The following TAX1BP1 variants were observed in gnomAD, a reference collection of about 807,000 sequenced individuals.
TAX1BP1 encodes the protein Tax1 binding protein 1.
A neutral mutation model predicts 97.7 loss-of-function variants in TAX1BP1; 62 were observed. The observed-to-expected ratio is 0.63, with a 90% CI of 0.52 to 0.78. The LOEUF (loss-of-function observed/expected upper bound fraction) is 0.78, where lower values mean the gene tolerates loss of function less well. TAX1BP1 is among the 30% of genes least tolerant of loss of function. The pLI is 0.00. For missense variants in TAX1BP1, 867 were observed against 916.1 expected, an observed-to-expected ratio of 0.95 and a Z score of 0.69; for synonymous variants, 340 against 304.2, an observed-to-expected ratio of 1.12 and a Z score of -1.23.
chr7:27,770,039 T>A (rs1788787320), intron 5 of TAX1BP1, among the ~76,000 whole-genome samples: 1 of 152,122 alleles, frequency 6.6e-6, no homozygotes, highest in South Asian at 2.1e-4. Flanking sequence ...TAAAATACTT[T>A]TAGACTTTTG....
rs370103638 is a variant in TAX1BP1, at chr7:27,774,391, T to C, written c.612+4557T>C. On this transcript the variant is annotated intron_variant, in intron 5 of 16. Transcript: ENST00000396319. Reference sequence around the variant, plus strand: ...ATGGATAAGTCGTCTAGTTAACAAGTGGCAAAGTTGAGAACCTGAAAACCC... The same window carrying C: ...ATGGATAAGTCGTCTAGTTAACAAGCGGCAAAGTTGAGAACCTGAAAACCC... 1.7e-3 allele frequency among the ~76,000 whole-genome samples: 258 copies of C among 152,228 alleles called. 1 individual carries two copies. The highest frequency in any genetic ancestry group is 5.7e-3 in the African/African-American group (237 of 41,560).
Position 27,816,945 on chromosome 7 carries a change from C to G in TAX1BP1, c.1992C>G (p.Val664=). The part of the protein sequence containing the change: ...PDEIQRPPVR[V]PSWGLEDNVV... ...AAATACAAAGGCCACCTGTCAGAGTCCCCTCTTGGGGACTGGAAGACAATG... is the reference window on the plus strand; with the variant it reads ...AAATACAAAGGCCACCTGTCAGAGTGCCCTCTTGGGGACTGGAAGACAATG... Residue 664 remains valine, a synonymous_variant, in exon 15 of 17, where the codon GTC becomes GTG. Transcript: ENST00000396319. 1.2e-6 allele frequency: 2 copies of G among 1,614,038 alleles called. No homozygotes were observed. The highest frequency in any genetic ancestry group is 1.3e-5 in the African/African-American group (1 of 75,034).
chr7:27,793,992 TGA>T (rs1228233434), intron 10 of TAX1BP1, among the ~76,000 whole-genome samples: 1 of 152,248 alleles, frequency 6.6e-6, no homozygotes, highest in Non-Finnish European at 1.5e-5. Flanking sequence ...ACTTTAAGTA[TGA>T]CTCACTCACA....
chr7:27,741,527 G>A (rs1318477503), intron 1 of TAX1BP1, among the ~76,000 whole-genome samples: 1 of 149,354 alleles, frequency 6.7e-6, no homozygotes, highest in Non-Finnish European at 1.5e-5. Context: ...TTGAGATGGA[G>A]TCTTGCTCTG....
At position 27,756,097 on chromosome 7, in the gene TAX1BP1, A is replaced by G. The variant is rs75098116; in HGVS notation, c.163-1934A>G. 3.6e-4 allele frequency among the ~76,000 whole-genome samples: 55 copies of G among 152,322 alleles called. No individual in the cohort carries two copies. In the East Asian group the frequency reaches 9.8e-3, roughly 27 times the overall value. On this transcript the variant is annotated intron_variant, in intron 2 of 16. Transcript: ENST00000396319. The stretch of plus-strand genomic sequence containing the variant: ...AATCAACCTTTGGTTTGGACACATT[A>G]TGGTTTATTGACCCTTCTAATTAGA...
intron 7 of TAX1BP1, among the ~76,000 whole-genome samples, chr7:27,786,956 C>T (rs1284506567): frequency 6.6e-6 from 1 of 152,164 alleles, no homozygotes; most frequent in Non-Finnish European, 1.5e-5. Flanking sequence ...CATTTTTCAG[C>T]ACATTGAAAC....
intron 13 of TAX1BP1, among the ~76,000 whole-genome samples, chr7:27,812,728 T>C (rs575531361): frequency 2.4e-4 from 37 of 152,320 alleles, no homozygotes; most frequent in African/African-American, 7.9e-4. Flanking sequence ...GAAAAGACCA[T>C]CCTTTTCCTC....
At chr7:27,752,852 T>G (rs1458812540) in intron 2 of TAX1BP1, among the ~76,000 whole-genome samples, 2 of 152,358 alleles carry the variant, frequency 1.3e-5, no homozygotes, top group East Asian at 3.9e-4. Flanking sequence ...GATTTGAACC[T>G]TATGTAAATT....
intron 5 of TAX1BP1, among the ~76,000 whole-genome samples, chr7:27,774,190 C>A (rs1788942743): frequency 6.6e-6 from 1 of 150,706 alleles, no homozygotes; most frequent in Non-Finnish European, 1.5e-5. Context: ...TAGTGTGGAC[C>A]TCTTAAGCTA....
At position 27,757,817 on chromosome 7, in the gene TAX1BP1, A is replaced by G. The variant is rs1165326914; in HGVS notation, c.163-214A>G. Among the ~76,000 whole-genome samples the G allele has an allele frequency of 3.3e-5, 5 of 152,120 alleles. No individual in the cohort carries two copies. In the East Asian group the frequency reaches 7.7e-4, roughly 23 times the overall value. On this transcript the variant is annotated intron_variant, in intron 2 of 16. Transcript: ENST00000396319. ...ATAGCAAATTGCATTTTAATATAGTAGAAACTCTACTATTCAATTTATGTA... is the reference window on the plus strand; with the variant it reads ...ATAGCAAATTGCATTTTAATATAGTGGAAACTCTACTATTCAATTTATGTA...
At position 27,827,725 on chromosome 7, in the gene TAX1BP1, AT is replaced by A; in HGVS notation, c.2086-8del. On this transcript the variant is annotated splice_polypyrimidine_tract_variant and intron_variant, in intron 15 of 16. Coordinates refer to ENST00000396319, the MANE Select transcript of TAX1BP1 (RefSeq NM_006024.7). ...TACTTTTCTTAAAAGTTCCAAAATT[AT>A]TTTTCCCCTAGGAAGATGAGAATGT... is the stretch of plus-strand genomic sequence containing the variant. 1 of 1,607,932 alleles carries A rather than the reference AT, an allele frequency of 6.2e-7. No homozygotes were observed.
intron 15 of TAX1BP1, among the ~76,000 whole-genome samples, chr7:27,820,989 A>G (rs1294248096): frequency 1.3e-5 from 2 of 152,208 alleles, no homozygotes; most frequent in Non-Finnish European, 2.9e-5. Context: ...TGCTTCAGTG[A>G]GCATTTCCTT....
chr7:27,819,181 A>T (rs1310475426), intron 15 of TAX1BP1, among the ~76,000 whole-genome samples: 1 of 152,106 alleles, frequency 6.6e-6, no homozygotes, highest in African/African-American at 2.4e-5. Context: ...TTAAAGTTGC[A>T]GTTTCTAAGA....
At chr7:27,818,752 C>G (rs780050564) in intron 15 of TAX1BP1, among the ~76,000 whole-genome samples, 1 of 152,144 alleles carries the variant, frequency 6.6e-6, no homozygotes, top group Non-Finnish European at 1.5e-5. Context: ...TAATGCTGAA[C>G]TCTTTAGATA....
At chr7:27,766,063 A>G in intron 4 of TAX1BP1, 42 bp downstream of exon 4, 1 of 1,570,836 alleles carries the variant, frequency 6.4e-7, no homozygotes, top group Non-Finnish European at 8.7e-7. Context: ...GATAATTTTA[A>G]GAACAGAGCT....
rs878872375 is a variant in TAX1BP1, at chr7:27,766,257, AAG to A, written c.453+238_453+239del. Among the ~76,000 whole-genome samples the A allele has an allele frequency of 2.6e-5, 4 of 152,042 alleles. No homozygotes were observed. In the South Asian group the frequency reaches 8.3e-4, roughly 32 times the overall value. ...AACACGGTGTAACTCTGTCTCTACTAAGAATACAAAAAATTAGACGGGCGTGG... is the reference window on the plus strand; with the variant it reads ...AACACGGTGTAACTCTGTCTCTACTAAATACAAAAAATTAGACGGGCGTGG... On this transcript the variant is annotated intron_variant, in intron 4 of 16. Transcript: ENST00000396319.
In TAX1BP1 at chr7:27,740,771, G is replaced by GT. The variant is rs945060330; in HGVS notation, c.-8+505dup. Reference sequence around the variant, plus strand: ...TGCGGAGAGAAACCCAGCTGTTTTGGTTTGAGTCGCCGGTGGCGAAGGGGG... The same window carrying GT: ...TGCGGAGAGAAACCCAGCTGTTTTGGTTTTGAGTCGCCGGTGGCGAAGGGGG... On this transcript the variant is annotated intron_variant, in intron 1 of 16. Transcript: ENST00000396319. Among the ~76,000 whole-genome samples the GT allele has an allele frequency of 3.3e-5, 5 of 152,318 alleles. No homozygotes were observed. In the East Asian group the frequency reaches 5.8e-4, roughly 18 times the overall value.
chr7:27,747,390 T>C (rs4722740), intron 1 of TAX1BP1, among the ~76,000 whole-genome samples: 30,721 of 152,184 alleles, frequency 0.2, 3,236 homozygotes, highest in Admixed American at 0.26. Flanking sequence ...ACTAAGCCAG[T>C]GAGCGTTCAT....
intron 13 of TAX1BP1, among the ~76,000 whole-genome samples, chr7:27,805,890 G>C (rs1466446669): frequency 6.6e-6 from 1 of 152,128 alleles, no homozygotes; most frequent in African/African-American, 2.4e-5. Flanking sequence ...TTCTGGTCCT[G>C]CTGAATCAGC....
Sources: gnomAD v4.1 joint callset for allele counts (sites outside exome capture counted in the v4.1 genomes callset) on GRCh38, gnomAD v4.1.1 for gene constraint, MANE v1.5 for transcripts, NCBI Gene and HGNC (gene_info 2026-07-23, HGNC 2026-07-21) for gene names.